Variants in LSAMP observed in about 807,000 individuals in gnomAD.
LSAMP encodes limbic system-associated membrane protein.
LSAMP carries 7 observed loss-of-function variants against 38.6 expected under a neutral mutation model. The ratio of observed to expected loss-of-function variants is 0.18; its 90% CI spans 0.10 to 0.34. The LOEUF (loss-of-function observed/expected upper bound fraction) is 0.34. Ranked by LOEUF, LSAMP falls within the 10% of genes least tolerant of loss-of-function variation. The probability of loss-of-function intolerance (pLI) is 1.00; values close to 1 mark genes in which losing one functional copy is unlikely to be tolerated. For missense variants in LSAMP, 313 were observed against 420.0 expected, an observed-to-expected ratio of 0.75 and a Z score of 2.23; for synonymous variants, 154 against 166.8, an observed-to-expected ratio of 0.92 and a Z score of 0.59.
chr3:115,928,637 A>C (rs934352905), intron 3 of LSAMP, among the ~76,000 whole-genome samples: 3 of 152,164 alleles, frequency 2.0e-5, no homozygotes, highest in Non-Finnish European at 4.4e-5. Flanking sequence ...TTCCCAGTGA[A>C]ATGATCCCTG....
chr3:115,893,662 A>T (rs1936658104), intron 3 of LSAMP, among the ~76,000 whole-genome samples: 1 of 152,062 alleles, frequency 6.6e-6, no homozygotes, highest in Admixed American at 6.6e-5. Flanking sequence ...CTTATGAAGA[A>T]GCAATCAAAA....
At chr3:115,941,974 T>G (rs1340662200) in intron 3 of LSAMP, among the ~76,000 whole-genome samples, 3 of 152,086 alleles carry the variant, frequency 2.0e-5, no homozygotes, top group African/African-American at 7.2e-5. Context: ...TGAATATGTA[T>G]AATCTTTGTC....
chr3:116,288,931 C>T (rs530294907), intron 1 of LSAMP, among the ~76,000 whole-genome samples: 1 of 152,220 alleles, frequency 6.6e-6, no homozygotes, highest in East Asian at 1.9e-4. Flanking sequence ...ATGTTTAAAC[C>T]ATTTCACACA....
chr3:115,959,065 A>C (rs1044578209), intron 3 of LSAMP, among the ~76,000 whole-genome samples: 1 of 152,218 alleles, frequency 6.6e-6, no homozygotes, highest in Non-Finnish European at 1.5e-5. Flanking sequence ...CACAAATTAT[A>C]GATTTGTCTC....
chr3:116,110,325 T>C (rs1239412457), intron 1 of LSAMP, among the ~76,000 whole-genome samples: 1 of 151,396 alleles, frequency 6.6e-6, no homozygotes, highest in Non-Finnish European at 1.5e-5. Context: ...ACTTGCCCCT[T>C]CCCCAGAAAA....
chr3:115,884,796 C>T (rs941157417), intron 3 of LSAMP, among the ~76,000 whole-genome samples: 1 of 151,830 alleles, frequency 6.6e-6, no homozygotes, highest in African/African-American at 2.4e-5. Flanking sequence ...ACAAGATGGA[C>T]CTGGAAGTCA....
At chr3:115,869,828 CAT>C (rs1935976363) in intron 3 of LSAMP, among the ~76,000 whole-genome samples, 1 of 151,964 alleles carries the variant, frequency 6.6e-6, no homozygotes, top group South Asian at 2.1e-4. Context: ...TAGGCACAGA[CAT>C]TTATAAGGAT....
chr3:115,934,563 C>A, intron 3 of LSAMP, among the ~76,000 whole-genome samples: 1 of 152,044 alleles, frequency 6.6e-6, no homozygotes, highest in South Asian at 2.1e-4. Flanking sequence ...TTATTTGAAC[C>A]TCTGGATCAT....
At chr3:115,903,554 A>C (rs190560326) in intron 3 of LSAMP, among the ~76,000 whole-genome samples, 368 of 152,282 alleles carry the variant, frequency 2.4e-3, no homozygotes, top group African/African-American at 8.4e-3. Flanking sequence ...TGTTGGAAAA[A>C]GGCATAAAGA....
intron 1 of LSAMP, among the ~76,000 whole-genome samples, chr3:116,155,233 GT>G (rs950397593): frequency 2.0e-5 from 3 of 151,224 alleles, no homozygotes; most frequent in East Asian, 3.9e-4. Context: ...GTTTTGTTTT[GT>G]TTTTTTTGAG....
At chr3:116,070,962 C>T (rs1352659459) in intron 2 of LSAMP, among the ~76,000 whole-genome samples, 31 of 151,978 alleles carry the variant, frequency 2.0e-4, no homozygotes, top group Non-Finnish European at 5.9e-5. Context: ...ATCGCTTGAA[C>T]CCTGGAGGTG....
chr3:115,943,801 G>A (rs1305673783), intron 3 of LSAMP, among the ~76,000 whole-genome samples: 1 of 152,158 alleles, frequency 6.6e-6, no homozygotes, highest in Non-Finnish European at 1.5e-5. Context: ...TGGGTTATGA[G>A]TATCTCTTAG....
intron 1 of LSAMP, among the ~76,000 whole-genome samples, chr3:116,135,970 T>G (rs1157906406): frequency 6.6e-6 from 1 of 152,094 alleles, no homozygotes; most frequent in Non-Finnish European, 1.5e-5. Flanking sequence ...TCAATACCCA[T>G]GTTTGATGGC....
intron 3 of LSAMP, among the ~76,000 whole-genome samples, chr3:115,880,497 C>G (rs145810656): frequency 2.0e-4 from 31 of 152,212 alleles, no homozygotes; most frequent in Non-Finnish European, 3.4e-4. Context: ...AAATTTTCCT[C>G]TTGAGATGCT....
intron 2 of LSAMP, among the ~76,000 whole-genome samples, chr3:116,026,639 C>T (rs1940798516): frequency 6.6e-6 from 1 of 152,110 alleles, no homozygotes; most frequent in Non-Finnish European, 1.5e-5. Context: ...TCAAACATCC[C>T]CGCCTTGGAA....
At chr3:116,190,848 A>G (rs1216015571) in intron 1 of LSAMP, among the ~76,000 whole-genome samples, 1 of 152,140 alleles carries the variant, frequency 6.6e-6, no homozygotes, top group Non-Finnish European at 1.5e-5. Flanking sequence ...ACAAGAACAA[A>G]GAACCACTGG....
At position 116,228,364 on chromosome 3, in the gene LSAMP, C is replaced by T. The variant is rs115171884; in HGVS notation, c.156-141808G>A. On this transcript the variant is annotated intron_variant, in intron 1 of 6. Coordinates refer to ENST00000490035, the MANE Select transcript of LSAMP (RefSeq NM_002338.5). Reference sequence around the variant, plus strand: ...ATTACTATCACTAGAATAATCACAACTCAGCCTCTGAAATCTGACAGACTT... The same window carrying T: ...ATTACTATCACTAGAATAATCACAATTCAGCCTCTGAAATCTGACAGACTT... Among the ~76,000 whole-genome samples the T allele has an allele frequency of 4.3e-3, 654 of 152,158 alleles. 6 individuals are homozygous for T. Among genetic ancestry groups the T allele is most frequent in the African/African-American group, 0.015 (626 of 41,538 alleles).
At chr3:116,058,028 T>C (rs1941523743) in intron 2 of LSAMP, among the ~76,000 whole-genome samples, 1 of 151,680 alleles carries the variant, frequency 6.6e-6, no homozygotes, top group African/African-American at 2.4e-5. Flanking sequence ...AGCAGCATGG[T>C]ACAGTGGAAA....
At chr3:115,956,706 A>G (rs1354954495) in intron 3 of LSAMP, among the ~76,000 whole-genome samples, 1 of 152,198 alleles carries the variant, frequency 6.6e-6, no homozygotes, top group African/African-American at 2.4e-5. Context: ...AAAAAATTGG[A>G]AGCTTATATA....
Sources: gnomAD v4.1 joint callset for allele counts (sites outside exome capture counted in the v4.1 genomes callset) on GRCh38, gnomAD v4.1.1 for gene constraint, MANE v1.5 for transcripts, NCBI Gene and HGNC (gene_info 2026-07-23, HGNC 2026-07-21) for gene names.